TTC6: variants seen among roughly 807,000 people sequenced by gnomAD.
TTC6 encodes tetratricopeptide repeat protein 6.
A neutral mutation model predicts 210.4 loss-of-function variants in TTC6; 172 were observed. The ratio of observed to expected loss-of-function variants is 0.82; its 90% CI spans 0.72 to 0.93. The LOEUF (loss-of-function observed/expected upper bound fraction) is 0.93, where lower values mean the gene tolerates loss of function less well. Ranked by LOEUF, TTC6 falls within the 40% of genes least tolerant of loss-of-function variation. The probability of loss-of-function intolerance (pLI) is 0.00; values close to 1 mark genes in which losing one functional copy is unlikely to be tolerated. For synonymous variants in TTC6, 804 were observed against 819.6 expected, an observed-to-expected ratio of 0.98 and a Z score of 0.32; for missense variants, 2,414 against 2,318.1, an observed-to-expected ratio of 1.04 and a Z score of -0.85.
intron 14 of TTC6, among the ~76,000 whole-genome samples, chr14:37,777,046 A>T (rs1321055576): frequency 6.6e-6 from 1 of 152,012 alleles, no homozygotes; most frequent in Non-Finnish European, 1.5e-5. Context: ...TGTCATTTAG[A>T]CCTTGGAGAA....
At chr14:37,652,825 C>T (rs193078847) in intron 1 of TTC6, among the ~76,000 whole-genome samples, 42 of 152,330 alleles carry the variant, frequency 2.8e-4, no homozygotes, top group African/African-American at 8.7e-4. Context: ...GGCACATGCA[C>T]TTTCCTAGCT....
At chr14:37,603,364 AC>A (rs1478968416) in intron 1 of TTC6, among the ~76,000 whole-genome samples, 1 of 151,918 alleles carries the variant, frequency 6.6e-6, no homozygotes, top group African/African-American at 2.4e-5. Context: ...AGCCCTGACG[AC>A]CTCACCCAGG....
chr14:37,823,914 C>T (rs2096164145), exon 27 of TTC6: 1 of 1,613,884 alleles, frequency 6.2e-7, no homozygotes, highest in Non-Finnish European at 8.5e-7. Flanking sequence ...CATATTAATC[C>T]AGCATACATA....
At chr14:37,660,973 T>C (rs2095736176) in intron 1 of TTC6, among the ~76,000 whole-genome samples, 1 of 152,260 alleles carries the variant, frequency 6.6e-6, no homozygotes, top group Non-Finnish European at 1.5e-5. Context: ...GCTGGCTACA[T>C]GAATGTCTTC....
At chr14:37,626,275 C>T (rs177834) in intron 1 of TTC6, among the ~76,000 whole-genome samples, 59 of 152,306 alleles carry the variant, frequency 3.9e-4, no homozygotes, top group African/African-American at 1.3e-3. Flanking sequence ...CTGGGGTTCA[C>T]AGACCACTTT....
At chr14:37,834,316 A>G (rs1045686122) in intron 29 of TTC6, among the ~76,000 whole-genome samples, 1 of 152,100 alleles carries the variant, frequency 6.6e-6, no homozygotes, top group Non-Finnish European at 1.5e-5. Flanking sequence ...CCAAAATTGA[A>G]TATTTGTTCA....
At chr14:37,676,672 C>A (rs2095770386) in intron 1 of TTC6, among the ~76,000 whole-genome samples, 1 of 152,030 alleles carries the variant, frequency 6.6e-6, no homozygotes, top group Admixed American at 6.6e-5. Context: ...CATATGTTTT[C>A]TTCTAAGAAT....
chr14:37,628,440 C>G (rs1293716179), intron 1 of TTC6, among the ~76,000 whole-genome samples: 2 of 152,044 alleles, frequency 1.3e-5, no homozygotes, highest in African/African-American at 2.4e-5. Flanking sequence ...TCCTTCACCC[C>G]CTTTTTGATG....
At chr14:37,615,287 A>G (rs2095640906) in intron 2 of TTC6, among the ~76,000 whole-genome samples, 1 of 152,100 alleles carries the variant, frequency 6.6e-6, no homozygotes, top group Non-Finnish European at 1.5e-5. Context: ...GAATTTATAA[A>G]TTTGTCTTTC....
intron 14 of TTC6, among the ~76,000 whole-genome samples, chr14:37,770,289 G>A (rs1245887194): frequency 1.3e-5 from 2 of 152,100 alleles, no homozygotes; most frequent in East Asian, 1.9e-4. Context: ...GTTGATTTGG[G>A]GTGGAGAGTT....
At chr14:37,683,581 A>C (rs755212736) in intron 3 of TTC6, among the ~76,000 whole-genome samples, 3 of 152,146 alleles carry the variant, frequency 2.0e-5, no homozygotes, top group Non-Finnish European at 4.4e-5. Flanking sequence ...GAGATAACAT[A>C]TTCACATAAA....
At chr14:37,662,658 A>AT (rs1240241156) in intron 1 of TTC6, among the ~76,000 whole-genome samples, 1 of 152,160 alleles carries the variant, frequency 6.6e-6, no homozygotes, top group African/African-American at 2.4e-5. Context: ...CATTTATTGA[A>AT]TAGGGAGTCC....
chr14:37,723,186 A>G (rs989802302), intron 6 of TTC6, among the ~76,000 whole-genome samples: 8 of 152,054 alleles, frequency 5.3e-5, no homozygotes, highest in Non-Finnish European at 1.2e-4. Context: ...TTTTGGCAGT[A>G]TTAGATATTC....
chr14:37,650,674 A>T (rs959414721), intron 1 of TTC6, among the ~76,000 whole-genome samples: 1 of 152,216 alleles, frequency 6.6e-6, no homozygotes, highest in East Asian at 1.9e-4. Flanking sequence ...AGGTCGTTGG[A>T]TGACTGCACA....
intron 1 of TTC6, among the ~76,000 whole-genome samples, chr14:37,626,246 A>G (rs2095660079): frequency 6.6e-6 from 1 of 152,122 alleles, no homozygotes. Context: ...TCACAAAAAT[A>G]CATTCTAATT....
chr14:37,829,874 G>C (rs969843223), intron 29 of TTC6, among the ~76,000 whole-genome samples: 2 of 152,024 alleles, frequency 1.3e-5, no homozygotes, highest in African/African-American at 2.4e-5. Context: ...TACACTGCCT[G>C]ACCAAGATTT....
At chr14:37,759,318 G>C (rs2095977217) in intron 14 of TTC6, among the ~76,000 whole-genome samples, 1 of 151,920 alleles carries the variant, frequency 6.6e-6, no homozygotes, top group Non-Finnish European at 1.5e-5. Context: ...TAAGAATGTT[G>C]AATATTGCCA....
At chr14:37,705,459 T>C (rs1224054172) in intron 5 of TTC6, among the ~76,000 whole-genome samples, 1 of 152,172 alleles carries the variant, frequency 6.6e-6, no homozygotes, top group East Asian at 1.9e-4. Context: ...CATTCTTAAA[T>C]ATGGGATTCC....
At chr14:37,819,581 T>C (rs2139473296) in intron 26 of TTC6, among the ~76,000 whole-genome samples, 1 of 152,322 alleles carries the variant, frequency 6.6e-6, no homozygotes, top group East Asian at 1.9e-4. Context: ...GAATTAATTT[T>C]TAGAACTGAG....
Sources: allele counts gnomAD v4.1 joint callset (sites outside exome capture counted in the v4.1 genomes callset), GRCh38; gene constraint gnomAD v4.1.1; transcripts MANE v1.5; gene names NCBI Gene and HGNC (gene_info 2026-07-23, HGNC 2026-07-21).